The following MRE11 variants were observed in gnomAD, a reference collection of about 807,000 sequenced individuals.
MRE11 encodes the protein double-strand break repair protein MRE11.
Under a neutral mutation model 91.7 loss-of-function variants are expected in MRE11, and 62 were observed. The observed-to-expected ratio is 0.68, with a 90% CI of 0.55 to 0.84. MRE11 has a LOEUF of 0.84. MRE11 is among the 40% of genes least tolerant of loss of function. MRE11 has a pLI of 0.00. For missense variants in MRE11, 796 were observed against 852.9 expected, an observed-to-expected ratio of 0.93 and a Z score of 0.83; for synonymous variants, 273 against 271.4, an observed-to-expected ratio of 1.01 and a Z score of -0.06.
chr11:94,496,979 G>A (rs368917353), upstream of MRE11: 4 of 1,610,564 alleles, frequency 2.5e-6, no homozygotes, highest in Non-Finnish European at 3.4e-6. Context: ...AGAGGGAAGT[G>A]TGACAGTAGG....
At chr11:94,436,708 A>G (rs915295372) in intron 17 of MRE11, among the ~76,000 whole-genome samples, 5 of 152,226 alleles carry the variant, frequency 3.3e-5, no homozygotes, top group Non-Finnish European at 7.3e-5. Flanking sequence ...ATCGAAAGGA[A>G]GAGCAGAAGG....
chr11:94,488,486 A>G (rs1048158989), intron 3 of MRE11, among the ~76,000 whole-genome samples: 8 of 152,202 alleles, frequency 5.3e-5, no homozygotes, highest in Non-Finnish European at 4.4e-5. Flanking sequence ...TCATTCTACC[A>G]CAAAGACACA....
the MRE11 span, among the ~76,000 whole-genome samples, chr11:94,509,155 A>T: frequency 6.6e-6 from 1 of 152,206 alleles, no homozygotes; most frequent in South Asian, 2.1e-4. Flanking sequence ...TGTAATATTC[A>T]GTGTTATAAT....
chr11:94,479,593 A>T, intron 5 of MRE11, 81 bp downstream of exon 5: 1 of 1,222,028 alleles, frequency 8.2e-7, no homozygotes, highest in East Asian at 2.4e-5. Flanking sequence ...ACAATGAGAA[A>T]AAGGGAAGGC....
intron 9 of MRE11, among the ~76,000 whole-genome samples, chr11:94,468,400 C>G (rs1946626031): frequency 6.6e-6 from 1 of 152,132 alleles, no homozygotes; most frequent in African/African-American, 2.4e-5. Context: ...GTTCTGAAGA[C>G]AAAAGCACTT....
the MRE11 span, among the ~76,000 whole-genome samples, chr11:94,506,106 C>T: frequency 4.5e-4 from 68 of 152,182 alleles, 1 homozygote; most frequent in African/African-American, 1.6e-3. Flanking sequence ...TTAAGCGACA[C>T]ATGACTGTAA....
upstream of MRE11, chr11:94,497,140 ATAATTATCTAT>A: frequency 1.5e-6 from 1 of 684,792 alleles, no homozygotes; most frequent in Middle Eastern, 2.5e-4. Flanking sequence ...GGGTTTAAGG[ATAATTATCTAT>A]AAAGATAGCA....
At chr11:94,454,891 A>G (rs1209316002) in intron 14 of MRE11, among the ~76,000 whole-genome samples, 1 of 152,186 alleles carries the variant, frequency 6.6e-6, no homozygotes, top group Non-Finnish European at 1.5e-5. Context: ...TCTTCCTAGC[A>G]TTATTCTTGC....
chr11:94,430,965 C>A (rs1945448590), intron 18 of MRE11, among the ~76,000 whole-genome samples: 1 of 152,112 alleles, frequency 6.6e-6, no homozygotes, highest in South Asian at 2.1e-4. Context: ...CAAGTGTCTA[C>A]CTACATAATA....
At chr11:94,498,084 G>A (rs548927360), upstream of MRE11, 32 of 1,609,516 alleles carry the variant, frequency 2.0e-5, no homozygotes, top group African/African-American at 1.3e-4. Flanking sequence ...ACCACAGTGC[G>A]GAGACTCCTT....
chr11:94,502,723 G>C, the MRE11 span, among the ~76,000 whole-genome samples: 2 of 151,964 alleles, frequency 1.3e-5, no homozygotes, highest in Non-Finnish European at 2.9e-5. Context: ...GTCCAGGCTA[G>C]AGTGCACTGG....
intron 14 of MRE11, among the ~76,000 whole-genome samples, chr11:94,455,750 T>C (rs1946233214): frequency 6.6e-6 from 1 of 152,202 alleles, no homozygotes; most frequent in Non-Finnish European, 1.5e-5. Context: ...ACTTTAAGTT[T>C]CTTTTTTGCC....
upstream of MRE11, chr11:94,496,711 A>T: frequency 6.3e-7 from 1 of 1,581,876 alleles, no homozygotes; most frequent in Non-Finnish European, 8.6e-7. Context: ...AAGAAAAAGG[A>T]AATGATGATG....
At chr11:94,457,418 C>T (rs1432030919) in intron 13 of MRE11, among the ~76,000 whole-genome samples, 1 of 152,078 alleles carries the variant, frequency 6.6e-6, no homozygotes, top group African/African-American at 2.4e-5. Context: ...AGAGCAGTAG[C>T]TAAAGGAAAA....
intron 16 of MRE11, among the ~76,000 whole-genome samples, chr11:94,443,909 C>A (rs1945853857): frequency 6.7e-6 from 1 of 149,802 alleles, no homozygotes; most frequent in African/African-American, 2.5e-5. Context: ...TCCTAAGTTC[C>A]TTCAACCAAT....
chr11:94,499,691 CA>C, the MRE11 span: 2 of 152,172 alleles, frequency 1.3e-5, no homozygotes, highest in African/African-American at 4.8e-5. Flanking sequence ...TCTCCAGCAG[CA>C]ATTTTGCATT....
chr11:94,512,300 C>A, the MRE11 span: 12 of 397,534 alleles, frequency 3.0e-5, no homozygotes, highest in African/African-American at 2.1e-4. Flanking sequence ...AATAAATTAA[C>A]GAGAAATTAA....
chr11:94,453,813 G>A (rs957682347), intron 14 of MRE11, among the ~76,000 whole-genome samples: 1 of 152,046 alleles, frequency 6.6e-6, no homozygotes, highest in Non-Finnish European at 1.5e-5. Flanking sequence ...TTTTGAAAGA[G>A]GGTATCAACC....
chr11:94,498,343 C>T (rs1182296516), upstream of MRE11: 1 of 1,613,668 alleles, frequency 6.2e-7, no homozygotes, highest in Non-Finnish European at 8.5e-7. Context: ...TCTTGACCCC[C>T]TTGCATCTTG....
Sources: gnomAD v4.1 joint callset for allele counts (sites outside exome capture counted in the v4.1 genomes callset) on GRCh38, gnomAD v4.1.1 for gene constraint, MANE v1.5 for transcripts, NCBI Gene and HGNC (gene_info 2026-07-23, HGNC 2026-07-21) for gene names.